Variants in CFAP54 observed in about 807,000 individuals in gnomAD.
The protein encoded by CFAP54 is cilia- and flagella-associated protein 54.
In CFAP54, 290 loss-of-function variants were observed where a neutral mutation model predicts 370.4. The ratio of observed to expected loss-of-function variants is 0.78; its 90% CI spans 0.71 to 0.86. The LOEUF (loss-of-function observed/expected upper bound fraction) is 0.86. Among genes scored for constraint, CFAP54 ranks in the 40% least tolerant of loss-of-function variants. The pLI, the probability that CFAP54 is intolerant of heterozygous loss-of-function variation, is 0.00. For missense variants in CFAP54, 3,399 were observed against 3,528.7 expected, an observed-to-expected ratio of 0.96 and a Z score of 0.93; for synonymous variants, 1,206 against 1,236.5, an observed-to-expected ratio of 0.98 and a Z score of 0.52.
chr12:96,504,814 C>G (rs1955073610), intron 3 of CFAP54, among the ~76,000 whole-genome samples: 1 of 152,168 alleles, frequency 6.6e-6, no homozygotes, highest in Admixed American at 6.6e-5. Context: ...AATGAGAATA[C>G]TGGGCGATGT....
intron 22 of CFAP54, among the ~76,000 whole-genome samples, chr12:96,586,178 G>C (rs1033587294): frequency 9.9e-5 from 15 of 152,186 alleles, no homozygotes; most frequent in African/African-American, 3.6e-4. Flanking sequence ...TAAGCAGATT[G>C]CTGGATGCCA....
Position 96,812,449 on chromosome 12 carries a change from C to A in CFAP54, c.8957+607C>A, listed in dbSNP as rs568263872. On this transcript the variant is annotated intron_variant, in intron 64 of 67. Transcript: ENST00000524981. Reference sequence around the variant, plus strand: ...TTCCTGTTTCACTTTACCAATTTCCCTGTTGTTGTTTTTTCATTTATTACT... The same window carrying A: ...TTCCTGTTTCACTTTACCAATTTCCATGTTGTTGTTTTTTCATTTATTACT... Among the ~76,000 whole-genome samples the A allele has an allele frequency of 7.2e-4, 110 of 152,218 alleles. No individual in the cohort carries two copies. The Middle Eastern group carries it at 0.01, about 14-fold the overall frequency.
intron 62 of CFAP54, 143 bp downstream of exon 62, chr12:96,787,041 C>T (rs1394689375): frequency 1.5e-6 from 1 of 663,522 alleles, no homozygotes; most frequent in African/African-American, 1.8e-5. Context: ...CCTGTGTTAC[C>T]ATGTGGATAG....
chr12:96,624,484 G>A (rs1956530682), intron 28 of CFAP54, among the ~76,000 whole-genome samples: 1 of 152,220 alleles, frequency 6.6e-6, no homozygotes, highest in Non-Finnish European at 1.5e-5. Context: ...TCGTTGTACT[G>A]TAGTAATTTC....
chr12:96,799,591 G>A (rs1445605358), intron 63 of CFAP54, among the ~76,000 whole-genome samples: 1 of 152,008 alleles, frequency 6.6e-6, no homozygotes, highest in Non-Finnish European at 1.5e-5. Flanking sequence ...CTAACTCTTG[G>A]TCAATTATAA....
At chr12:96,513,262 A>C (rs1231557757) in intron 5 of CFAP54, among the ~76,000 whole-genome samples, 1 of 152,202 alleles carries the variant, frequency 6.6e-6, no homozygotes, top group Non-Finnish European at 1.5e-5. Context: ...AAAGAAAGGA[A>C]ATTCCTGAAA....
At chr12:96,620,310 C>CTG (rs1956471425) in intron 26 of CFAP54, among the ~76,000 whole-genome samples, 1 of 152,184 alleles carries the variant, frequency 6.6e-6, no homozygotes, top group African/African-American at 2.4e-5. Flanking sequence ...TAGGAGGGAC[C>CTG]TGGTGTGAAG....
chr12:96,857,997 G>T (rs1188541903), intron 66 of CFAP54, among the ~76,000 whole-genome samples: 2 of 152,146 alleles, frequency 1.3e-5, no homozygotes, highest in African/African-American at 4.8e-5. Context: ...ATGGTAGAAT[G>T]ATTTGTATTT....
chr12:96,524,359 AT>A (rs1955351704), intron 8 of CFAP54, among the ~76,000 whole-genome samples: 1 of 152,232 alleles, frequency 6.6e-6, no homozygotes, highest in African/African-American at 2.4e-5. Flanking sequence ...AATAATGATA[AT>A]GGTGAGGATG....
At chr12:96,647,386 T>C (rs2136497145) in intron 33 of CFAP54, among the ~76,000 whole-genome samples, 1 of 140,204 alleles carries the variant, frequency 7.1e-6, no homozygotes, top group Middle Eastern at 3.8e-3. Flanking sequence ...GGCAGGAGAA[T>C]GGCGTGAACC....
At chr12:96,640,956 C>T (rs1463046915) in intron 32 of CFAP54, among the ~76,000 whole-genome samples, 1 of 151,916 alleles carries the variant, frequency 6.6e-6, no homozygotes, top group Non-Finnish European at 1.5e-5. Context: ...AATGTTAGAC[C>T]TAAAACCATA....
chr12:96,712,341 A>G (rs919407565), intron 48 of CFAP54, among the ~76,000 whole-genome samples: 8 of 152,174 alleles, frequency 5.3e-5, no homozygotes, highest in African/African-American at 1.7e-4. Context: ...AATTCATTAT[A>G]TAATAAATTC....
At chr12:96,685,852 C>T (rs1957323715) in intron 42 of CFAP54, among the ~76,000 whole-genome samples, 1 of 152,102 alleles carries the variant, frequency 6.6e-6, no homozygotes, top group Non-Finnish European at 1.5e-5. Flanking sequence ...GCGTCTGGCT[C>T]AACAATGACT....
chr12:96,558,044 G>A (rs1162252234), intron 17 of CFAP54, among the ~76,000 whole-genome samples: 1 of 152,056 alleles, frequency 6.6e-6, no homozygotes. Context: ...GTTCCTTTGT[G>A]GAGGTGGCAG....
intron 40 of CFAP54, among the ~76,000 whole-genome samples, chr12:96,680,184 C>A (rs1286207126): frequency 6.6e-6 from 1 of 152,152 alleles, no homozygotes; most frequent in Non-Finnish European, 1.5e-5. Context: ...CAAGCATCAA[C>A]AAGATTTCTT....
intron 48 of CFAP54, among the ~76,000 whole-genome samples, chr12:96,709,701 T>TTTTTTATTA (rs145639086): frequency 1.4e-5 from 2 of 144,072 alleles, no homozygotes; most frequent in Non-Finnish European, 3.0e-5. Context: ...TTGATCATGG[T>TTTTTTATTA]TTATTATTAT....
intron 60 of CFAP54, 37 bp downstream of exon 60, chr12:96,765,255 G>T (rs1958390085): frequency 1.3e-5 from 19 of 1,427,918 alleles, no homozygotes; most frequent in Non-Finnish European, 1.8e-5. Context: ...CAAAAAAACT[G>T]ATATATGTAA....
At chr12:96,648,925 T>C (rs1466105622) in intron 34 of CFAP54, among the ~76,000 whole-genome samples, 1 of 152,086 alleles carries the variant, frequency 6.6e-6, no homozygotes, top group Non-Finnish European at 1.5e-5. Flanking sequence ...CTCTGGAAAC[T>C]GTAGTCTGAC....
At chr12:96,723,575 T>C (rs1957785585) in intron 50 of CFAP54, among the ~76,000 whole-genome samples, 1 of 152,072 alleles carries the variant, frequency 6.6e-6, no homozygotes, top group African/African-American at 2.4e-5. Flanking sequence ...GGAGTAACTT[T>C]AGAAGATGCT....
Sources: gnomAD v4.1 joint callset for allele counts (sites outside exome capture counted in the v4.1 genomes callset) on GRCh38, gnomAD v4.1.1 for gene constraint, MANE v1.5 for transcripts, NCBI Gene and HGNC (gene_info 2026-07-23, HGNC 2026-07-21) for gene names.